PIK3C2G: variants seen among roughly 807,000 people sequenced by gnomAD.
PIK3C2G encodes phosphatidylinositol-4-phosphate 3-kinase catalytic subunit type 2 gamma, also known as phosphatidylinositol 3-kinase C2 domain-containing subunit gamma.
Under a neutral mutation model 181.1 loss-of-function variants are expected in PIK3C2G, and 168 were observed. The ratio of observed to expected loss-of-function variants is 0.93; its 90% CI spans 0.82 to 1.05. PIK3C2G has a LOEUF of 1.05. Ranked by LOEUF, PIK3C2G falls within the 50% of genes least tolerant of loss-of-function variation. PIK3C2G has a pLI of 0.00. For missense variants in PIK3C2G, 1,869 were observed against 1,732.8 expected (o/e 1.08, Z -1.40); for synonymous variants, 573 against 592.2 (o/e 0.97, Z 0.47).
the PIK3C2G span, among the ~76,000 whole-genome samples, chr12:18,655,973 G>C: frequency 2.6e-3 from 392 of 152,218 alleles, 2 homozygotes; most frequent in African/African-American, 9.0e-3. Flanking sequence ...TAGGTAAAAA[G>C]TAAGTAAATT....
At chr12:18,516,048 A>G (rs899732982) in intron 24 of PIK3C2G, among the ~76,000 whole-genome samples, 1 of 152,018 alleles carries the variant, frequency 6.6e-6, no homozygotes, top group South Asian at 2.1e-4. Flanking sequence ...TTGTCTGTGT[A>G]CTCACTTTTA....
At chr12:18,440,830 T>C (rs9634064) in intron 18 of PIK3C2G, among the ~76,000 whole-genome samples, 18,984 of 152,074 alleles carry the variant, frequency 0.12, 1,246 homozygotes, top group African/African-American at 0.15. Context: ...ATTTGGCTTA[T>C]ATTATCAAGA....
At chr12:18,526,851 C>T (rs943076221) in intron 24 of PIK3C2G, among the ~76,000 whole-genome samples, 4 of 152,102 alleles carry the variant, frequency 2.6e-5, no homozygotes, top group African/African-American at 9.7e-5. Context: ...ATTACTTCTC[C>T]CTTTTTGACT....
chr12:18,580,089 C>T (rs1250293876), intron 29 of PIK3C2G, among the ~76,000 whole-genome samples: 2 of 150,402 alleles, frequency 1.3e-5, no homozygotes, highest in Non-Finnish European at 1.5e-5. Context: ...GCCGAGTTCG[C>T]ACCACTGCAC....
At chr12:18,514,871 GC>G (rs1392589831) in intron 24 of PIK3C2G, among the ~76,000 whole-genome samples, 1 of 151,932 alleles carries the variant, frequency 6.6e-6, no homozygotes, top group East Asian at 1.9e-4. Context: ...TATGATGTTA[GC>G]TGTGGGTTTG....
the PIK3C2G span, among the ~76,000 whole-genome samples, chr12:18,660,581 A>G: frequency 3.3e-5 from 5 of 152,182 alleles, no homozygotes; most frequent in Non-Finnish European, 2.9e-5. Flanking sequence ...GGAGAAAGGT[A>G]TAGACTCAGA....
At chr12:18,468,710 T>C (rs1292848715) in intron 18 of PIK3C2G, among the ~76,000 whole-genome samples, 1 of 152,094 alleles carries the variant, frequency 6.6e-6, no homozygotes, top group African/African-American at 2.4e-5. Flanking sequence ...TAAAAAATAA[T>C]TTCCAGCCAT....
intron 29 of PIK3C2G, among the ~76,000 whole-genome samples, chr12:18,577,082 G>T (rs965659704): frequency 6.6e-6 from 1 of 152,206 alleles, no homozygotes; most frequent in African/African-American, 2.4e-5. Flanking sequence ...TGTGAAGAAG[G>T]TGAATATTGG....
the PIK3C2G span, among the ~76,000 whole-genome samples, chr12:18,659,519 C>A: frequency 6.6e-6 from 1 of 152,114 alleles, no homozygotes; most frequent in East Asian, 1.9e-4. Context: ...ACATAACTAT[C>A]ATTTAATGCA....
intron 11 of PIK3C2G, among the ~76,000 whole-genome samples, chr12:18,347,872 T>C (rs1939827204): frequency 1.3e-5 from 2 of 151,936 alleles, no homozygotes; most frequent in Admixed American, 6.6e-5. Context: ...TTTTAAAAAA[T>C]AAACTGTATA....
intron 18 of PIK3C2G, among the ~76,000 whole-genome samples, chr12:18,468,334 G>T (rs1224101382): frequency 6.6e-6 from 1 of 151,856 alleles, no homozygotes; most frequent in Non-Finnish European, 1.5e-5. Flanking sequence ...CACATCACAG[G>T]ATCAAATGTT....
the PIK3C2G span, among the ~76,000 whole-genome samples, chr12:18,690,838 A>G: frequency 6.6e-6 from 1 of 152,176 alleles, no homozygotes; most frequent in Admixed American, 6.5e-5. Context: ...CTAGTTCCAC[A>G]TGGTTGTAGA....
At chr12:18,611,177 A>G (rs972283290) in intron 31 of PIK3C2G, among the ~76,000 whole-genome samples, 8 of 152,096 alleles carry the variant, frequency 5.3e-5, no homozygotes, top group African/African-American at 1.9e-4. Context: ...TGAAGCAGGG[A>G]TAGGAGGAGT....
chr12:18,384,250 G>A (rs1265016978), intron 14 of PIK3C2G, among the ~76,000 whole-genome samples: 3 of 152,024 alleles, frequency 2.0e-5, no homozygotes, highest in Non-Finnish European at 2.9e-5. Flanking sequence ...ACCATATGAA[G>A]GAAATATATA....
chr12:18,356,742 C>G (rs761716420), intron 11 of PIK3C2G, among the ~76,000 whole-genome samples: 8 of 152,048 alleles, frequency 5.3e-5, no homozygotes, highest in Non-Finnish European at 8.8e-5. Context: ...CCGAAATCTT[C>G]TGAAAGATCC....
rs547144563 is a variant in PIK3C2G at position 18,508,751 on chromosome 12, C to T, written c.3323+3290C>T. On this transcript the variant is annotated intron_variant, in intron 24 of 32. Coordinates refer to ENST00000538779, the MANE Select transcript of PIK3C2G (RefSeq NM_001288772.2). ...AGCGTTCCAGTAATGGAACACTAGA[C>T]ATAAATGAGTTTAATAACACCCCCC... Among the ~76,000 whole-genome samples, 16 of 152,172 alleles carry T rather than the reference C, an allele frequency of 1.1e-4. No individual in the cohort carries two copies. The South Asian group carries it at 1.2e-3, about 12-fold the overall frequency.
intron 18 of PIK3C2G, among the ~76,000 whole-genome samples, chr12:18,446,707 A>C (rs1210356946): frequency 2.0e-5 from 3 of 152,194 alleles, no homozygotes; most frequent in African/African-American, 7.2e-5. Flanking sequence ...GTGAATATTT[A>C]ATCATTGGCA....
Position 18,423,998 on chromosome 12 carries a change from C to T in PIK3C2G, c.2463C>T (p.His821=), listed in dbSNP as rs762617515. ...GTCCTTTAGTGCAACTTCTACTCCACCGCTCCTTGCAGAGCATCCAGGTTG... is the reference window on the plus strand; with the variant it reads ...GTCCTTTAGTGCAACTTCTACTCCATCGCTCCTTGCAGAGCATCCAGGTTG... ...LESPLVQLLL[H]RSLQSIQVAH... The change falls in exon 18 of 33, where the codon CAC becomes CAT. Residue 821 remains histidine (H), a synonymous_variant. Transcript: ENST00000538779. 2.7e-5 allele frequency: 43 copies of T among 1,611,680 alleles called. No individual in the cohort carries two copies. Among genetic ancestry groups the T allele is most frequent in the Non-Finnish European group, 3.6e-5 (42 of 1,178,776 alleles).
the PIK3C2G span, among the ~76,000 whole-genome samples, chr12:18,674,933 T>C: frequency 6.6e-6 from 1 of 152,084 alleles, no homozygotes; most frequent in Non-Finnish European, 1.5e-5. Context: ...TCAGCTATGT[T>C]AGCATTCAAC....
Sources: gnomAD v4.1 joint callset for allele counts (sites outside exome capture counted in the v4.1 genomes callset) on GRCh38, gnomAD v4.1.1 for gene constraint, MANE v1.5 for transcripts, NCBI Gene and HGNC (gene_info 2026-07-23, HGNC 2026-07-21) for gene names.